Variants in RGS6 observed in about 807,000 individuals in gnomAD.
RGS6 encodes regulator of G-protein signaling 6.
RGS6 carries 30 observed loss-of-function variants against 78.5 expected under a neutral mutation model. The ratio of observed to expected loss-of-function variants is 0.38; its 90% CI spans 0.29 to 0.52. RGS6 has a LOEUF of 0.52. Ranked by LOEUF, RGS6 falls within the 20% of genes least tolerant of loss-of-function variation. The probability of loss-of-function intolerance (pLI) is 0.85; values close to 1 mark genes in which losing one functional copy is unlikely to be tolerated. For missense variants in RGS6, 495 were observed against 609.7 expected (o/e 0.81, Z 1.98); for synonymous variants, 206 against 206.0 (o/e 1.00, Z 0.00).
intron 3 of RGS6, among the ~76,000 whole-genome samples, chr14:72,354,781 C>T (rs1245134648): frequency 2.0e-5 from 3 of 152,104 alleles, no homozygotes; most frequent in Non-Finnish European, 2.9e-5. Flanking sequence ...GGAGGAGACA[C>T]GTTCAGTCCA....
At chr14:72,320,384 C>T (rs2071571769) in intron 2 of RGS6, among the ~76,000 whole-genome samples, 1 of 151,994 alleles carries the variant, frequency 6.6e-6, no homozygotes, top group Admixed American at 6.6e-5. Context: ...CGAGACCATC[C>T]TGGCTAACAT....
At chr14:72,373,479 C>T (rs950339102) in intron 3 of RGS6, among the ~76,000 whole-genome samples, 8 of 152,224 alleles carry the variant, frequency 5.3e-5, no homozygotes, top group African/African-American at 1.9e-4. Context: ...AAAGTAGACT[C>T]GTTTTAGATT....
chr14:72,199,675 A>G (rs778137225), intron 2 of RGS6, among the ~76,000 whole-genome samples: 6 of 152,178 alleles, frequency 3.9e-5, no homozygotes, highest in Non-Finnish European at 7.3e-5. Context: ...CCCACAGGCA[A>G]TTCTAGATTC....
the RGS6 span, among the ~76,000 whole-genome samples, chr14:72,581,798 T>G: frequency 3.9e-5 from 6 of 152,248 alleles, no homozygotes; most frequent in Non-Finnish European, 7.3e-5. Context: ...CTGATTCCTC[T>G]TTCCTCCAAA....
chr14:72,229,893 A>G (rs2049110116), intron 2 of RGS6, among the ~76,000 whole-genome samples: 1 of 152,230 alleles, frequency 6.6e-6, no homozygotes, highest in Admixed American at 6.5e-5. Context: ...CACATGAGGC[A>G]TAAGACTCGC....
At chr14:72,126,180 A>G (rs1011760001) in intron 2 of RGS6, among the ~76,000 whole-genome samples, 1 of 152,162 alleles carries the variant, frequency 6.6e-6, no homozygotes, top group Non-Finnish European at 1.5e-5. Flanking sequence ...TTTCCCCTTC[A>G]TAGAGGAAAG....
At chr14:72,490,254 G>T (rs540881621) in intron 12 of RGS6, among the ~76,000 whole-genome samples, 1 of 152,080 alleles carries the variant, frequency 6.6e-6, no homozygotes, top group African/African-American at 2.4e-5. Flanking sequence ...GCACAAGCTC[G>T]CTCTCTTTGC....
the RGS6 span, among the ~76,000 whole-genome samples, chr14:72,605,545 T>G: frequency 6.6e-6 from 1 of 152,210 alleles, no homozygotes; most frequent in Non-Finnish European, 1.5e-5. Context: ...CTAAAAGCGC[T>G]GATGGTTCAA....
At chr14:72,158,512 T>C (rs2096804639) in intron 2 of RGS6, among the ~76,000 whole-genome samples, 1 of 152,174 alleles carries the variant, frequency 6.6e-6, no homozygotes, top group Non-Finnish European at 1.5e-5. Flanking sequence ...TTGGGGGCTT[T>C]ACACTTAGGT....
chr14:72,334,000 G>A (rs2075553802), intron 2 of RGS6, among the ~76,000 whole-genome samples: 1 of 152,222 alleles, frequency 6.6e-6, no homozygotes, highest in Non-Finnish European at 1.5e-5. Context: ...TGCTGCACGT[G>A]TGTTACCACA....
chr14:72,260,565 G>A (rs529113096), intron 2 of RGS6, among the ~76,000 whole-genome samples: 1 of 152,188 alleles, frequency 6.6e-6, no homozygotes, highest in African/African-American at 2.4e-5. Context: ...AGAGTATTGG[G>A]GAATTTTCCC....
rs114713790 is a variant in RGS6 at position 72,505,859 on chromosome 14, T to C, written c.966-4295T>C. Among the ~76,000 whole-genome samples, 312 of 152,334 alleles carry C rather than the reference T, an allele frequency of 2.0e-3. 2 individuals are homozygous for C. Among genetic ancestry groups the C allele is most frequent in the African/African-American group, 7.2e-3 (300 of 41,576 alleles). Reference sequence around the variant, plus strand: ...TATGAAGCTCCTGCAGAAATGAGCATTGATATAGACAATTGCTTCCTTTGA... The same window carrying C: ...TATGAAGCTCCTGCAGAAATGAGCACTGATATAGACAATTGCTTCCTTTGA... On this transcript the variant is annotated intron_variant, in intron 13 of 17. Transcript: ENST00000553525.
intron 2 of RGS6, among the ~76,000 whole-genome samples, chr14:72,233,841 C>T (rs965018667): frequency 1.3e-5 from 2 of 152,160 alleles, no homozygotes; most frequent in African/African-American, 2.4e-5. Flanking sequence ...GACATCCTGG[C>T]AGATGGGCTG....
chr14:71,877,469 G>A, the RGS6 span, among the ~76,000 whole-genome samples: 1 of 152,032 alleles, frequency 6.6e-6, no homozygotes, highest in Non-Finnish European at 1.5e-5. Flanking sequence ...TGATTGAATC[G>A]ACTACTGAAG....
At chr14:72,598,106 T>C in the RGS6 span, among the ~76,000 whole-genome samples, 1 of 152,236 alleles carries the variant, frequency 6.6e-6, no homozygotes, top group Non-Finnish European at 1.5e-5. Context: ...GCAACCCCTC[T>C]CTTCTTTTGC....
chr14:72,377,224 C>G (rs983642065), intron 3 of RGS6, among the ~76,000 whole-genome samples: 1 of 152,046 alleles, frequency 6.6e-6, no homozygotes, highest in African/African-American at 2.4e-5. Context: ...TCCATGCAAA[C>G]AGAAACCAAA....
intron 3 of RGS6, among the ~76,000 whole-genome samples, chr14:72,429,367 T>C (rs1172352308): frequency 6.6e-6 from 1 of 152,172 alleles, no homozygotes; most frequent in Non-Finnish European, 1.5e-5. Flanking sequence ...CCCAGGTATA[T>C]TCTTGAAAAA....
At chr14:72,062,719 A>T (rs1220850931) in intron 2 of RGS6, among the ~76,000 whole-genome samples, 2 of 152,218 alleles carry the variant, frequency 1.3e-5, no homozygotes, top group Non-Finnish European at 2.9e-5. Context: ...GCCATTGCAT[A>T]TTGCATATGT....
chr14:72,608,061 G>A, the RGS6 span, among the ~76,000 whole-genome samples: 14 of 152,236 alleles, frequency 9.2e-5, no homozygotes, highest in South Asian at 2.1e-4. Context: ...CTAAAACCAC[G>A]CTGACTGATC....
Sources: allele counts gnomAD v4.1 joint callset (sites outside exome capture counted in the v4.1 genomes callset), GRCh38; gene constraint gnomAD v4.1.1; transcripts MANE v1.5; gene names NCBI Gene and HGNC (gene_info 2026-07-23, HGNC 2026-07-21).